The following TMEM117 variants were observed in gnomAD, a reference collection of about 807,000 sequenced individuals.
The protein encoded by TMEM117 is transmembrane protein 117.
In TMEM117, 27 loss-of-function variants were observed where a neutral mutation model predicts 52.4. The observed-to-expected ratio is 0.51, with a 90% CI of 0.38 to 0.71. The LOEUF (loss-of-function observed/expected upper bound fraction) is 0.71. TMEM117 is among the 30% of genes least tolerant of loss of function. The pLI, the probability that TMEM117 is intolerant of heterozygous loss-of-function variation, is 0.00. For missense variants in TMEM117, 556 were observed against 630.5 expected (o/e 0.88, Z 1.26); for synonymous variants, 215 against 206.3 (o/e 1.04, Z -0.36).
intron 2 of TMEM117, among the ~76,000 whole-genome samples, chr12:43,869,204 C>G (rs1053958329): frequency 6.6e-6 from 1 of 151,814 alleles, no homozygotes; most frequent in South Asian, 2.1e-4. Flanking sequence ...TATCAAAAAC[C>G]TCTTTAGAAA....
chr12:44,296,665 C>T (rs1456273810), intron 5 of TMEM117, among the ~76,000 whole-genome samples: 1 of 152,204 alleles, frequency 6.6e-6, no homozygotes, highest in Non-Finnish European at 1.5e-5. Flanking sequence ...GCCACCAGGG[C>T]ATGAATGGGC....
chr12:43,977,697 T>C (rs1295860816), intron 3 of TMEM117, among the ~76,000 whole-genome samples: 5 of 152,194 alleles, frequency 3.3e-5, no homozygotes, highest in Non-Finnish European at 7.3e-5. Flanking sequence ...CATTCTACTG[T>C]GGCCTGCCCT....
At chr12:43,962,020 C>G (rs1412072822) in intron 3 of TMEM117, among the ~76,000 whole-genome samples, 1 of 152,124 alleles carries the variant, frequency 6.6e-6, no homozygotes, top group Non-Finnish European at 1.5e-5. Context: ...TTGATGAAAA[C>G]AGTTAACAGA....
intron 4 of TMEM117, among the ~76,000 whole-genome samples, chr12:44,165,484 T>A (rs1269202673): frequency 6.6e-6 from 1 of 152,148 alleles, no homozygotes; most frequent in Non-Finnish European, 1.5e-5. Flanking sequence ...CTAAAGAAAT[T>A]TATTTCACCT....
At chr12:43,938,260 A>G (rs888493657) in intron 2 of TMEM117, among the ~76,000 whole-genome samples, 1 of 147,864 alleles carries the variant, frequency 6.8e-6, no homozygotes, top group Non-Finnish European at 1.5e-5. Context: ...ATTATATATT[A>G]TATTATATAT....
rs1396485866 is a variant in TMEM117, at chr12:44,155,226, TCTTA to T, written c.510+11606_510+11609del. On this transcript the variant is annotated intron_variant, in intron 4 of 7. Transcript: ENST00000266534. ...ATTCCAAAACCCCACTGAGGGTCTC[TCTTA>T]CTTCTTCATGAATCTATTCACTTAA... is the stretch of plus-strand genomic sequence containing the variant. Among the ~76,000 whole-genome samples the T allele has an allele frequency of 3.9e-5, 6 of 152,246 alleles. No homozygotes were observed. The South Asian group carries it at 8.3e-4, about 21-fold the overall frequency.
chr12:44,078,883 C>G (rs1355687371), intron 3 of TMEM117, among the ~76,000 whole-genome samples: 1 of 140,596 alleles, frequency 7.1e-6, no homozygotes, highest in Non-Finnish European at 1.5e-5. Context: ...CCCCAACAGG[C>G]CCCAGTATGT....
chr12:44,060,201 C>G (rs1432357776), intron 3 of TMEM117, among the ~76,000 whole-genome samples: 1 of 152,142 alleles, frequency 6.6e-6, no homozygotes, highest in African/African-American at 2.4e-5. Flanking sequence ...TTGATTTTTT[C>G]TTCTTGTCTT....
At chr12:44,117,962 A>G (rs1227550369) in intron 3 of TMEM117, among the ~76,000 whole-genome samples, 1 of 151,918 alleles carries the variant, frequency 6.6e-6, no homozygotes, top group Non-Finnish European at 1.5e-5. Flanking sequence ...TGATCTAGCT[A>G]CCTAATTATC....
intron 5 of TMEM117, among the ~76,000 whole-genome samples, chr12:44,279,081 G>C (rs1950548114): frequency 6.6e-6 from 1 of 152,012 alleles, no homozygotes. Flanking sequence ...TTATAATTTT[G>C]TGCCTATATA....
intron 3 of TMEM117, among the ~76,000 whole-genome samples, chr12:44,037,220 G>A (rs554113218): frequency 2.6e-5 from 4 of 152,148 alleles, no homozygotes; most frequent in Admixed American, 2.0e-4. Flanking sequence ...GGCAGGAGCC[G>A]TGCTGTCCTG....
chr12:44,330,741 T>C (rs1044404121), intron 6 of TMEM117, among the ~76,000 whole-genome samples: 1 of 152,006 alleles, frequency 6.6e-6, no homozygotes, highest in Non-Finnish European at 1.5e-5. Context: ...AATGATCATA[T>C]GTGATTTGCA....
intron 3 of TMEM117, among the ~76,000 whole-genome samples, chr12:44,099,615 C>T (rs1329777568): frequency 6.6e-6 from 1 of 151,910 alleles, no homozygotes; most frequent in Non-Finnish European, 1.5e-5. Flanking sequence ...AGTGATAAAA[C>T]TAGAGATAGT....
At chr12:43,839,792 CAAAT>C (rs1943089279) in intron 1 of TMEM117, among the ~76,000 whole-genome samples, 1 of 152,216 alleles carries the variant, frequency 6.6e-6, no homozygotes. Flanking sequence ...AAATGTTGAA[CAAAT>C]GAATGAATGA....
intron 4 of TMEM117, among the ~76,000 whole-genome samples, chr12:44,151,946 TA>T (rs1432747947): frequency 3.9e-5 from 5 of 126,584 alleles, no homozygotes; most frequent in Admixed American, 9.3e-5. Context: ...TATATTATAT[TA>T]CATAATATAT....
chr12:43,835,750 C>T (rs1263782929), upstream of TMEM117, among the ~76,000 whole-genome samples: 1 of 152,166 alleles, frequency 6.6e-6, no homozygotes, highest in Non-Finnish European at 1.5e-5. Flanking sequence ...CGTCCCTCGC[C>T]TGCAGCTGCC....
At chr12:44,072,149 T>C (rs1056282118) in intron 3 of TMEM117, among the ~76,000 whole-genome samples, 3 of 152,136 alleles carry the variant, frequency 2.0e-5, no homozygotes, top group African/African-American at 7.2e-5. Context: ...CAGTTTGGCA[T>C]TGAGAACTTT....
At chr12:44,198,239 G>A (rs1949446645) in intron 4 of TMEM117, among the ~76,000 whole-genome samples, 1 of 152,162 alleles carries the variant, frequency 6.6e-6, no homozygotes, top group African/African-American at 2.4e-5. Context: ...AAGGGCAGCA[G>A]AAGGGTGGTA....
chr12:43,855,732 C>T (rs1354278817), intron 2 of TMEM117, among the ~76,000 whole-genome samples: 3 of 152,150 alleles, frequency 2.0e-5, no homozygotes, highest in Non-Finnish European at 4.4e-5. Context: ...CCAAGTAACT[C>T]AACAATATTT....
Sources: gnomAD v4.1 joint callset for allele counts (sites outside exome capture counted in the v4.1 genomes callset) on GRCh38, gnomAD v4.1.1 for gene constraint, MANE v1.5 for transcripts, NCBI Gene and HGNC (gene_info 2026-07-23, HGNC 2026-07-21) for gene names.